Variants in EYS observed in about 807,000 individuals in gnomAD.
EYS encodes EGF-like photoreceptor maintenance factor, also known as protein eyes shut homolog.
Under a neutral mutation model 282.1 loss-of-function variants are expected in EYS, and 250 were observed. The observed-to-expected ratio is 0.89, with a 90% confidence interval of 0.80 to 0.98. The LOEUF is 0.98. Among genes scored for constraint, EYS ranks in the 50% least tolerant of loss-of-function variants. EYS has a pLI of 0.00. For missense variants in EYS, 4,016 were observed against 3,709.0 expected (o/e 1.08, Z -2.15); for synonymous variants, 1,355 against 1,282.9 (o/e 1.06, Z -1.20).
chr6:64,838,945 A>G (rs1222312857), intron 19 of EYS, among the ~76,000 whole-genome samples: 1 of 151,986 alleles, frequency 6.6e-6, no homozygotes, highest in Non-Finnish European at 1.5e-5. Context: ...TGTAATCTGT[A>G]TTGGGAGTTC....
intron 29 of EYS, among the ~76,000 whole-genome samples, chr6:64,339,242 A>T (rs1770993843): frequency 1.3e-5 from 2 of 152,046 alleles, no homozygotes; most frequent in South Asian, 4.1e-4. Flanking sequence ...CTGACAAAGG[A>T]CTAATATCCA....
rs142432383 is a variant in EYS, at chr6:64,236,751, G to A, written c.6192-5927C>T. On this transcript the variant is annotated intron_variant, in intron 30 of 42. Coordinates refer to ENST00000503581, the MANE Select transcript of EYS (RefSeq NM_001142800.2). ...TTCAATTTGCTTTCTATTTCTTTCA[G>A]GTTTTTTTAATTTTTTAATTTTTTA... Among the ~76,000 whole-genome samples, 1,281 of 141,548 alleles carry A rather than the reference G, an allele frequency of 9.0e-3. 26 individuals are homozygous for A. The highest frequency in any genetic ancestry group is 0.03 in the African/African-American group (1,171 of 38,560). 92.9% of individuals were successfully genotyped at this position (141,548 alleles called of 152,430 possible). A position where few individuals can be genotyped will look rare whatever the true frequency, so the allele number is the denominator to read the frequency against.
intron 15 of EYS, among the ~76,000 whole-genome samples, chr6:64,929,147 T>C (rs1768619428): frequency 6.6e-6 from 1 of 152,068 alleles, no homozygotes; most frequent in Non-Finnish European, 1.5e-5. Flanking sequence ...ATAGGACCAC[T>C]GTCTTTTAAA....
intron 22 of EYS, among the ~76,000 whole-genome samples, chr6:64,790,625 A>C (rs1035827531): frequency 1.3e-5 from 2 of 151,970 alleles, no homozygotes; most frequent in African/African-American, 4.8e-5. Context: ...TTCACTGTAG[A>C]TTTTAAATAA....
intron 22 of EYS, among the ~76,000 whole-genome samples, chr6:64,768,002 T>C (rs1192088524): frequency 1.3e-5 from 2 of 152,152 alleles, no homozygotes; most frequent in East Asian, 3.8e-4. Context: ...TAATACCTTA[T>C]TGCGATTTTG....
chr6:65,604,995 G>A (rs1306239613), intron 2 of EYS, among the ~76,000 whole-genome samples: 5 of 149,076 alleles, frequency 3.4e-5, no homozygotes, highest in African/African-American at 7.5e-5. Flanking sequence ...ACATATGGCC[G>A]ACCATGCCCA....
intron 1 of EYS, among the ~76,000 whole-genome samples, chr6:65,677,038 GA>G (rs915816464): frequency 5.6e-5 from 5 of 89,024 alleles, no homozygotes; most frequent in Admixed American, 1.3e-4. Context: ...ACTAGAAATT[GA>G]AAAAAAAATC....
intron 29 of EYS, among the ~76,000 whole-genome samples, chr6:64,372,147 T>TG (rs1772398865): frequency 1.2e-5 from 1 of 83,240 alleles, no homozygotes; most frequent in Non-Finnish European, 2.9e-5. Flanking sequence ...TTTTTTTTTT[T>TG]TTTTTTTTTT....
At chr6:64,296,576 ATATATATACATATATATATATATTTTT>A (rs1561913725) in intron 30 of EYS, among the ~76,000 whole-genome samples, 16 of 5,786 alleles carry the variant, frequency 2.8e-3, no homozygotes, top group African/African-American at 0.014. Flanking sequence ...ATATATATAT[ATATATATACATATATATATATATTTTT>A]TTTTTTTTTT....
intron 7 of EYS, among the ~76,000 whole-genome samples, chr6:65,393,341 TA>T (rs1582233229): frequency 6.6e-6 from 1 of 152,028 alleles, no homozygotes. Context: ...ATTAGCCTTA[TA>T]AATGTGACTA....
intron 24 of EYS, among the ~76,000 whole-genome samples, chr6:64,609,656 G>T (rs1164789350): frequency 6.6e-6 from 1 of 152,112 alleles, no homozygotes; most frequent in Non-Finnish European, 1.5e-5. Context: ...GGCTGAAGCA[G>T]GACGGGTGCT....
At chr6:64,111,174 A>AC (rs1773191246) in intron 31 of EYS, among the ~76,000 whole-genome samples, 3 of 152,074 alleles carry the variant, frequency 2.0e-5, no homozygotes, top group Non-Finnish European at 4.4e-5. Flanking sequence ...TTAATTACAA[A>AC]AAGTAAAATT....
chr6:63,727,729 A>ATATATATATATATATATATAT (rs1255552819), intron 41 of EYS, among the ~76,000 whole-genome samples: 1 of 60,680 alleles, frequency 1.6e-5, no homozygotes, highest in African/African-American at 1.3e-4. Flanking sequence ...AAAAAAAAAA[A>ATATATATATATATATATATAT]AAAAAAAAAT....
At chr6:63,908,072 A>C (rs1454520202) in intron 35 of EYS, among the ~76,000 whole-genome samples, 1 of 147,222 alleles carries the variant, frequency 6.8e-6, no homozygotes, top group Non-Finnish European at 1.5e-5. Flanking sequence ...GTGTAAATAT[A>C]TCTGTCTCAG....
chr6:64,081,090 G>A (rs1199065025), intron 32 of EYS, among the ~76,000 whole-genome samples: 1 of 152,148 alleles, frequency 6.6e-6, no homozygotes, highest in Non-Finnish European at 1.5e-5. Context: ...CTAATTCTGT[G>A]AAGAAAGTCA....
intron 10 of EYS, among the ~76,000 whole-genome samples, chr6:65,337,532 T>A (rs1770034238): frequency 6.6e-6 from 1 of 151,254 alleles, no homozygotes; most frequent in Non-Finnish European, 1.5e-5. Flanking sequence ...TCTAACTCTA[T>A]ATCTACAGGT....
In EYS at chr6:64,831,649, G is replaced by A. The variant is rs1765221106; in HGVS notation, c.2993-8827C>T. Among the ~76,000 whole-genome samples, 3 of 151,832 alleles carry A rather than the reference G, an allele frequency of 2.0e-5. No individual in the cohort carries two copies. In the South Asian group the frequency reaches 6.2e-4, roughly 32 times the overall value. ...TCCTACCTCTTTTATGAAAAGAATG[G>A]GGGCAATTCTTCAATATCAGGCCAC... On this transcript the variant is annotated intron_variant, in intron 19 of 42. Coordinates refer to ENST00000503581, the MANE Select transcript of EYS (RefSeq NM_001142800.2).
At chr6:64,850,793 A>C (rs1243546962) in intron 19 of EYS, among the ~76,000 whole-genome samples, 1 of 152,102 alleles carries the variant, frequency 6.6e-6, no homozygotes, top group Admixed American at 6.6e-5. Flanking sequence ...AAAGTAATTA[A>C]GAAGACCGAT....
intron 13 of EYS, among the ~76,000 whole-genome samples, chr6:65,021,949 C>G (rs1263043773): frequency 6.6e-6 from 1 of 152,150 alleles, no homozygotes; most frequent in Non-Finnish European, 1.5e-5. Flanking sequence ...ATTACAAGAA[C>G]AGCAGCATGG....
Sources: gnomAD v4.1 joint callset for allele counts (sites outside exome capture counted in the v4.1 genomes callset) on GRCh38, gnomAD v4.1.1 for gene constraint, MANE v1.5 for transcripts, NCBI Gene and HGNC (gene_info 2026-07-23, HGNC 2026-07-21) for gene names.